SMAD5: variants seen among roughly 807,000 people sequenced by gnomAD.
The protein encoded by SMAD5 is SMAD family member 5, also known as MAD, mothers against decapentaplegic homolog 5.
A neutral mutation model predicts 43.1 loss-of-function variants in SMAD5; 9 were observed. That is an observed-to-expected ratio of 0.21 (90% CI 0.13 to 0.36). The LOEUF is 0.36. Among genes scored for constraint, SMAD5 ranks in the 10% least tolerant of loss-of-function variants. The probability of loss-of-function intolerance (pLI) is 1.00; values close to 1 mark genes in which losing one functional copy is unlikely to be tolerated. For synonymous variants in SMAD5, 190 were observed against 192.4 expected (o/e 0.99, Z 0.10); for missense variants, 348 against 574.0 (o/e 0.61, Z 4.02).
At chr5:136,150,443 A>C (rs558373466) in intron 2 of SMAD5, among the ~76,000 whole-genome samples, 4 of 152,066 alleles carry the variant, frequency 2.6e-5, no homozygotes, top group Non-Finnish European at 5.9e-5. Flanking sequence ...GGCACATGCA[A>C]TGGTCCAGGT....
chr5:136,172,334 C>A (rs1580799684), intron 5 of SMAD5, 100 bp from the exon 6 acceptor site: 9 of 653,354 alleles, frequency 1.4e-5, no homozygotes, highest in Non-Finnish European at 1.8e-5. Flanking sequence ...TGAAAATTTT[C>A]TTTTTCATGT....
intron 4 of SMAD5, among the ~76,000 whole-genome samples, chr5:136,162,611 C>T (rs926046150): frequency 2.0e-5 from 3 of 152,136 alleles, no homozygotes; most frequent in South Asian, 2.1e-4. Context: ...AAGACAAATT[C>T]GGTTCTTATT....
At chr5:136,151,253 T>A (rs180774303) in intron 2 of SMAD5, among the ~76,000 whole-genome samples, 1 of 152,160 alleles carries the variant, frequency 6.6e-6, no homozygotes, top group African/African-American at 2.4e-5. Context: ...AAGTTGATAA[T>A]GTAATATCAG....
At chr5:136,163,918 C>T (rs1052389752) in intron 5 of SMAD5, among the ~76,000 whole-genome samples, 2 of 152,178 alleles carry the variant, frequency 1.3e-5, no homozygotes, top group African/African-American at 4.8e-5. Context: ...CAGTGGCTCA[C>T]GCCTGTAATC....
chr5:136,151,449 A>G (rs761384296), intron 2 of SMAD5, among the ~76,000 whole-genome samples: 3 of 152,058 alleles, frequency 2.0e-5, no homozygotes, highest in Non-Finnish European at 4.4e-5. Flanking sequence ...TTTAGGGGAG[A>G]GAACATCAGA....
At position 136,177,727 on chromosome 5, in the gene SMAD5, T is replaced by A. The variant is rs1334450443; in HGVS notation, c.*247T>A. 10 of 379,062 alleles carry A rather than the reference T, an allele frequency of 2.6e-5. No individual in the cohort carries two copies. In the Admixed American group the frequency reaches 4.2e-4, roughly 16 times the overall value. 23.5% of individuals were successfully genotyped at this position (379,062 alleles called of 1,614,324 possible). On this transcript the variant is annotated 3_prime_UTR_variant, in exon 8 of 8. Coordinates refer to ENST00000545279, the MANE Select transcript of SMAD5 (RefSeq NM_005903.7). ...AGTATTATGCCCCAGTTCAGAAATTTGGCATTGATCTTAAACTGGAACATG... is the reference window on the plus strand; with the variant it reads ...AGTATTATGCCCCAGTTCAGAAATTAGGCATTGATCTTAAACTGGAACATG...
rs1034342343 is a variant in SMAD5, at chr5:136,178,485, G to T, written c.*1005G>T. On this transcript the variant is annotated 3_prime_UTR_variant, in exon 8 of 8. Transcript: ENST00000545279. ...TTGTAGGAAGTTATGCTTTTTTCTG[G>T]TTTTTGTTTTACTTTCAACCTAGGT... 2 of 152,236 alleles carry T rather than the reference G, an allele frequency of 1.3e-5. No individual in the cohort carries two copies. The highest frequency in any genetic ancestry group is 2.9e-5 in the Non-Finnish European group (2 of 67,994). 9.4% of individuals were successfully genotyped at this position (152,236 alleles called of 1,614,324 possible). A position where few individuals can be genotyped will look rare whatever the true frequency, so the allele number is the denominator to read the frequency against.
At chr5:136,165,644 T>C (rs1753973644) in intron 5 of SMAD5, among the ~76,000 whole-genome samples, 1 of 142,950 alleles carries the variant, frequency 7.0e-6, no homozygotes, top group Non-Finnish European at 1.5e-5. Context: ...AAGTACTTCA[T>C]ATAAATGGAA....
intron 3 of SMAD5, among the ~76,000 whole-genome samples, chr5:136,156,914 T>C (rs1044728793): frequency 4.6e-5 from 7 of 151,998 alleles, no homozygotes; most frequent in Non-Finnish European, 1.0e-4. Context: ...GCCCAAACTC[T>C]TGGGGGAAGG....
intron 5 of SMAD5, among the ~76,000 whole-genome samples, chr5:136,165,405 CTA>C (rs931118144): frequency 3.3e-5 from 5 of 151,778 alleles, no homozygotes; most frequent in Admixed American, 2.0e-4. Context: ...TTATGGCAAA[CTA>C]TATATAACAT....
intron 5 of SMAD5, 124 bp from the exon 6 acceptor site, chr5:136,172,310 A>G: frequency 1.7e-6 from 1 of 597,646 alleles, no homozygotes; most frequent in Non-Finnish European, 3.0e-6. Context: ...GGACAGTGAG[A>G]CTTGTGAAAT....
intron 2 of SMAD5, among the ~76,000 whole-genome samples, chr5:136,148,517 A>G (rs763305919): frequency 6.6e-6 from 1 of 151,866 alleles, no homozygotes; most frequent in African/African-American, 2.4e-5. Context: ...TTCCTTCTAT[A>G]CAACATTCAC....
Position 136,153,766 on chromosome 5 carries a change from G to T in SMAD5, c.6G>T (p.Thr2=). ...TCTCCGAAGATTTGTGTCAAATGAC[G>T]TCAATGGCCAGCTTGTTTTCTTTTA... M[T]SMASLFSFTS... The change falls in exon 3 of 8, where the codon ACG becomes ACT. Residue 2 remains threonine, a synonymous_variant. Coordinates refer to ENST00000545279, the MANE Select transcript of SMAD5 (RefSeq NM_005903.7). 6.2e-7 allele frequency: 1 copy of T among 1,605,518 alleles called. No individual in the cohort carries two copies.
chr5:136,155,403 C>T (rs1038836548), intron 3 of SMAD5, among the ~76,000 whole-genome samples: 6 of 152,188 alleles, frequency 3.9e-5, no homozygotes, highest in African/African-American at 1.4e-4. Flanking sequence ...TACTTTAGTA[C>T]AGTACATCAT....
chr5:136,154,900 C>T (rs1484803153), intron 3 of SMAD5, among the ~76,000 whole-genome samples: 1 of 152,102 alleles, frequency 6.6e-6, no homozygotes, highest in Non-Finnish European at 1.5e-5. Flanking sequence ...GTGTTTGGCC[C>T]CTAAGACAGT....
chr5:136,154,388 CCA>C (rs1034343178), intron 3 of SMAD5, among the ~76,000 whole-genome samples: 1 of 152,038 alleles, frequency 6.6e-6, no homozygotes, highest in Non-Finnish European at 1.5e-5. Context: ...CTGTAAGCAC[CCA>C]TATATCTACT....
Position 136,163,329 on chromosome 5 carries a change from C to G in SMAD5, c.713C>G (p.Ser238Cys). 6.2e-7 allele frequency: 1 copy of G among 1,611,358 alleles called. No homozygotes were observed. Among genetic ancestry groups the G allele is most frequent in the Non-Finnish European group, 8.5e-7 (1 of 1,177,946 alleles). Residue 238 changes from serine to cysteine, a missense_variant, in exon 5 of 8, where the codon TCC becomes TGC. Coordinates refer to ENST00000545279, the MANE Select transcript of SMAD5 (RefSeq NM_005903.7). Reference protein sequence around the residue: ...PPDDQMGQDNSQPMDTSNNMI... With the variant: ...PPDDQMGQDNCQPMDTSNNMI... ...GATGATCAGATGGGTCAAGATAATT[C>G]CCAGCCTATGGATACAAGCAATAAT...
chr5:136,141,352 G>A (rs2149760349), intron 1 of SMAD5, among the ~76,000 whole-genome samples: 1 of 152,290 alleles, frequency 6.6e-6, no homozygotes, highest in East Asian at 1.9e-4. Context: ...ACTGTGAAAA[G>A]TGCTAGATAC....
At chr5:136,167,184 A>G (rs1014624314) in intron 5 of SMAD5, among the ~76,000 whole-genome samples, 10 of 150,024 alleles carry the variant, frequency 6.7e-5, no homozygotes, top group African/African-American at 2.5e-4. Context: ...TTTTTTTTCT[A>G]TAACCTTCTG....
Sources: allele counts gnomAD v4.1 joint callset (sites outside exome capture counted in the v4.1 genomes callset), GRCh38; gene constraint gnomAD v4.1.1; transcripts MANE v1.5; gene names NCBI Gene and HGNC (gene_info 2026-07-23, HGNC 2026-07-21).